The following CCDC81 variants were observed in gnomAD, a reference collection of about 807,000 sequenced individuals.
The protein encoded by CCDC81 is coiled-coil domain containing 81, also known as coiled-coil domain-containing protein 81.
Under a neutral mutation model 83.7 loss-of-function variants are expected in CCDC81, and 79 were observed. That is an observed-to-expected ratio of 0.94 (90% CI 0.79 to 1.14). The LOEUF is 1.14. Ranked by LOEUF, CCDC81 falls within the 50% of genes most tolerant of loss-of-function variation. The pLI is 0.00. For missense variants in CCDC81, 791 were observed against 778.1 expected, an observed-to-expected ratio of 1.02 and a Z score of -0.20; for synonymous variants, 252 against 278.1, an observed-to-expected ratio of 0.91 and a Z score of 0.93.
At chr11:86,405,888 G>T (rs1248958502) in intron 7 of CCDC81, among the ~76,000 whole-genome samples, 1 of 150,790 alleles carries the variant, frequency 6.6e-6, no homozygotes, top group Non-Finnish European at 1.5e-5. Context: ...TCAGCCTCCT[G>T]AGTAGTTGGG....
intron 4 of CCDC81, among the ~76,000 whole-genome samples, chr11:86,394,344 C>T (rs765076697): frequency 1.8e-4 from 27 of 152,196 alleles, no homozygotes; most frequent in Non-Finnish European, 3.4e-4. Flanking sequence ...TCAAAGCTGA[C>T]TGAAAACTGC....
At chr11:86,418,456 G>C (rs1948749176) in intron 13 of CCDC81, among the ~76,000 whole-genome samples, 1 of 152,140 alleles carries the variant, frequency 6.6e-6, no homozygotes, top group South Asian at 2.1e-4. Context: ...AGCATCCCAG[G>C]TGTCCACCGA....
chr11:86,414,310 A>AT (rs1160936153), intron 11 of CCDC81: 2,399 of 144,632 alleles, frequency 0.017, 26 homozygotes, highest in Middle Eastern at 0.036. Flanking sequence ...AGCGTATGGA[A>AT]TTTTTTTTTT....
intron 1 of CCDC81, among the ~76,000 whole-genome samples, chr11:86,383,916 T>G (rs1404901726): frequency 6.6e-6 from 1 of 152,248 alleles, no homozygotes; most frequent in Non-Finnish European, 1.5e-5. Flanking sequence ...TAATGTTATC[T>G]GTTAGGCTTT....
At chr11:86,413,405 C>G (rs1367286229) in intron 11 of CCDC81, among the ~76,000 whole-genome samples, 1 of 152,132 alleles carries the variant, frequency 6.6e-6, no homozygotes, top group African/African-American at 2.4e-5. Context: ...CATCTAGGTC[C>G]GTGGGCACAG....
intron 13 of CCDC81, among the ~76,000 whole-genome samples, chr11:86,417,104 C>T (rs570810480): frequency 2.0e-5 from 3 of 151,818 alleles, no homozygotes; most frequent in African/African-American, 4.8e-5. Context: ...ATTAGCTGGG[C>T]GTGTTGGTGT....
intron 1 of CCDC81, among the ~76,000 whole-genome samples, chr11:86,381,742 G>C (rs1015739632): frequency 7.9e-5 from 12 of 152,292 alleles, no homozygotes; most frequent in Non-Finnish European, 1.6e-4. Context: ...TAGTTGTTAG[G>C]ATGGAGTGGT....
At chr11:86,376,367 T>C (rs973492053) in intron 1 of CCDC81, among the ~76,000 whole-genome samples, 1 of 152,070 alleles carries the variant, frequency 6.6e-6, no homozygotes, top group African/African-American at 2.4e-5. Context: ...CCAGACTGGG[T>C]CATTATAAAG....
chr11:86,418,203 GA>G (rs1005909535), intron 13 of CCDC81, among the ~76,000 whole-genome samples: 1 of 151,934 alleles, frequency 6.6e-6, no homozygotes, highest in African/African-American at 2.4e-5. Flanking sequence ...TAGCTACTAT[GA>G]AAAAAAATAA....
intron 6 of CCDC81, 43 bp from the exon 7 acceptor site, chr11:86,400,635 G>C: frequency 5.8e-6 from 9 of 1,558,154 alleles, no homozygotes; most frequent in Non-Finnish European, 7.0e-6. Context: ...AGTGGTTTGA[G>C]AGTTGAAAGG....
At position 86,387,552 on chromosome 11, in the gene CCDC81, A is replaced by T. The variant is rs1399944197; in HGVS notation, c.178A>T (p.Ile60Leu). The stretch of plus-strand genomic sequence containing the variant: ...TCCAGCATTTGGAACTTTCACTTTC[A>T]TAAGACAAAAGCTTGAGGTGGGAAA... The part of the protein sequence containing the change: ...QIPAFGTFTF[I>L]RQKLEVGNNK... Residue 60 changes from isoleucine to leucine, a missense_variant, in exon 3 of 15, where the codon ATA becomes TTA. Transcript: ENST00000445632. The T allele has an allele frequency of 6.2e-7, 1 of 1,613,982 alleles. No homozygotes were observed. Among genetic ancestry groups the T allele is most frequent in the East Asian group, 2.2e-5 (1 of 44,874 alleles).
In CCDC81 at chr11:86,409,282, G is replaced by T. The variant is rs753149311; in HGVS notation, c.1135G>T (p.Glu379Ter). The T allele has an allele frequency of 1.3e-6, 2 of 1,504,604 alleles. No homozygotes were observed. Among genetic ancestry groups the T allele is most frequent in the Non-Finnish European group, 1.8e-6 (2 of 1,125,926 alleles). 93.2% of individuals were successfully genotyped at this position (1,504,604 alleles called of 1,614,324 possible). Residue 379 changes from glutamate (E) to a stop codon, truncating the protein, a stop_gained, in exon 10 of 15, where the codon GAA becomes TAA. Transcript: ENST00000445632. LOFTEE classifies it high-confidence loss of function. ...RHQMKSLATR[E>*]QNQKNAAYNL... ...ATAGATGAAAAGTCTGGCTACTAGA[G>T]AACAGAATCAGAAAAATGCTGCCTA...
At chr11:86,392,258 A>G (rs1420989179) in intron 3 of CCDC81, among the ~76,000 whole-genome samples, 1 of 152,228 alleles carries the variant, frequency 6.6e-6, no homozygotes, top group African/African-American at 2.4e-5. Context: ...TATGTTTCCT[A>G]GAGAAAATCA....
In CCDC81 at chr11:86,415,225, G is replaced by T. The variant is rs1176640195; in HGVS notation, c.1603G>T (p.Ala535Ser). 1 of 1,614,160 alleles carries T rather than the reference G, an allele frequency of 6.2e-7. No individual in the cohort carries two copies. The highest frequency in any genetic ancestry group is 8.5e-7 in the Non-Finnish European group (1 of 1,180,022). Residue 535 changes from alanine (A) to serine (S), a missense_variant, in exon 13 of 15, where the codon GCA (alanine) becomes TCA (serine). Coordinates refer to ENST00000445632, the MANE Select transcript of CCDC81 (RefSeq NM_001156474.2). The stretch of plus-strand genomic sequence containing the variant: ...AAATTACATGAAACACCAGCTGGAG[G>T]CAGCTGCTAACCACAAGAGGAAAGC... The part of the protein sequence containing the change: ...EQNYMKHQLE[A>S]AANHKRKAIL...
At chr11:86,392,245 T>C (rs1006544009) in intron 3 of CCDC81, among the ~76,000 whole-genome samples, 2 of 152,240 alleles carry the variant, frequency 1.3e-5, no homozygotes, top group African/African-American at 2.4e-5. Flanking sequence ...CAGTTGATTA[T>C]TATATGTTTC....
chr11:86,400,615 C>T (rs1276741110), intron 6 of CCDC81, 63 bp from the exon 7 acceptor site: 8 of 1,498,802 alleles, frequency 5.3e-6, no homozygotes, highest in Non-Finnish European at 7.2e-6. Context: ...TTGGTAAAAA[C>T]TACACAGTTA....
chr11:86,382,685 T>G (rs1433323008), intron 1 of CCDC81, among the ~76,000 whole-genome samples: 1 of 151,736 alleles, frequency 6.6e-6, no homozygotes, highest in Admixed American at 6.6e-5. Context: ...GTGGAGAGTA[T>G]AGAGTGAAAA....
chr11:86,422,709 T>C lies in CCDC81; in HGVS notation c.1953T>C (p.Leu651=). The C allele has an allele frequency of 2.5e-6, 4 of 1,612,288 alleles. No individual in the cohort carries two copies. Among genetic ancestry groups the C allele is most frequent in the Non-Finnish European group, 3.4e-6 (4 of 1,178,594 alleles). The change falls in exon 15 of 15, where the codon CTT becomes CTC. Residue 651 remains leucine, a synonymous_variant. Coordinates refer to ENST00000445632, the MANE Select transcript of CCDC81 (RefSeq NM_001156474.2). Reference sequence around the variant, plus strand: ...AGTTCCTGCCTGGCTCCCGGTTGCTTGTGTAAAACTCAAAGTTTGGCTCTT... The same window carrying C: ...AGTTCCTGCCTGGCTCCCGGTTGCTCGTGTAAAACTCAAAGTTTGGCTCTT... ...LNKFLPGSRL[L]V
intron 1 of CCDC81, among the ~76,000 whole-genome samples, chr11:86,375,659 G>T (rs1293232109): frequency 1.3e-5 from 2 of 152,092 alleles, no homozygotes; most frequent in African/African-American, 4.8e-5. Flanking sequence ...ACATCATGCC[G>T]TTGTATTAAG....
Sources: allele counts gnomAD v4.1 joint callset (sites outside exome capture counted in the v4.1 genomes callset), GRCh38; gene constraint gnomAD v4.1.1; transcripts MANE v1.5; gene names NCBI Gene and HGNC (gene_info 2026-07-23, HGNC 2026-07-21).